Variants in RBFOX1 observed in about 807,000 individuals in gnomAD.
RBFOX1 encodes the protein RNA binding protein fox-1 homolog 1.
A neutral mutation model predicts 57.7 loss-of-function variants in RBFOX1; 8 were observed. That is an observed-to-expected ratio of 0.14 (90% confidence interval 0.08 to 0.25). The LOEUF (loss-of-function observed/expected upper bound fraction) is 0.25, where lower values mean the gene tolerates loss of function less well. RBFOX1 is among the 10% of genes least tolerant of loss of function. The pLI is 1.00. For missense variants in RBFOX1, 611 were observed against 548.5 expected (o/e 1.11, Z -1.14); for synonymous variants, 326 against 222.4 (o/e 1.47, Z -4.15).
intron 4 of RBFOX1, chr16:7,328,625 G>T (rs2096644575): frequency 6.7e-6 from 1 of 149,964 alleles, no homozygotes; most frequent in Admixed American, 6.7e-5. Flanking sequence ...ATAGATGGAA[G>T]AATTTTTTTT....
chr16:6,845,379 G>A (rs2093700662), intron 3 of RBFOX1, among the ~76,000 whole-genome samples: 1 of 151,820 alleles, frequency 6.6e-6, no homozygotes, highest in African/African-American at 2.4e-5. Context: ...AAGAGGTCCA[G>A]TTTCAATTTT....
At chr16:7,534,860 G>C (rs934526957) in intron 5 of RBFOX1, among the ~76,000 whole-genome samples, 14 of 152,146 alleles carry the variant, frequency 9.2e-5, no homozygotes, top group African/African-American at 3.1e-4. Context: ...ATGTGTGTGT[G>C]TGGCTTTAGG....
intron 3 of RBFOX1, among the ~76,000 whole-genome samples, chr16:7,032,515 T>C (rs1278222522): frequency 6.6e-6 from 1 of 152,094 alleles, no homozygotes; most frequent in African/African-American, 2.4e-5. Flanking sequence ...ATAAAACCTA[T>C]GGTCATGAGC....
At chr16:7,239,520 T>G (rs975762526) in intron 4 of RBFOX1, among the ~76,000 whole-genome samples, 1 of 152,016 alleles carries the variant, frequency 6.6e-6, no homozygotes, top group Non-Finnish European at 1.5e-5. Context: ...TAAATAAAAA[T>G]TGGAATCGGC....
intron 2 of RBFOX1, among the ~76,000 whole-genome samples, chr16:6,624,998 C>G (rs1010236947): frequency 6.6e-6 from 1 of 151,708 alleles, no homozygotes; most frequent in African/African-American, 2.4e-5. Flanking sequence ...AACCCCATCT[C>G]TACTAAAAAT....
chr16:6,928,876 C>G (rs946089688), intron 3 of RBFOX1, among the ~76,000 whole-genome samples: 1 of 152,144 alleles, frequency 6.6e-6, no homozygotes, highest in African/African-American at 2.4e-5. Flanking sequence ...ATCATCACCA[C>G]AGAAACTTAG....
chr16:6,063,468 C>CAA (rs1489449348), intron 1 of RBFOX1, among the ~76,000 whole-genome samples: 3 of 39,378 alleles, frequency 7.6e-5, no homozygotes, highest in Non-Finnish European at 2.4e-4. Context: ...TTCTCCGACA[C>CAA]ACACACACAC....
At chr16:7,625,413 C>A (rs1185765290) in intron 10 of RBFOX1, among the ~76,000 whole-genome samples, 1 of 152,170 alleles carries the variant, frequency 6.6e-6, no homozygotes, top group Non-Finnish European at 1.5e-5. Flanking sequence ...TTTACCCTTA[C>A]TATCTGCCTA....
chr16:6,696,072 CTG>C (rs368196801), intron 3 of RBFOX1, among the ~76,000 whole-genome samples: 18 of 152,268 alleles, frequency 1.2e-4, no homozygotes, highest in Admixed American at 3.9e-4. Flanking sequence ...ATCTAGAAAA[CTG>C]TGAAAATTGA....
At chr16:7,354,718 A>G (rs985011421) in intron 4 of RBFOX1, among the ~76,000 whole-genome samples, 1 of 152,206 alleles carries the variant, frequency 6.6e-6, no homozygotes, top group Non-Finnish European at 1.5e-5. Context: ...TATGACGGCC[A>G]CTAGTCACGT....
intron 3 of RBFOX1, among the ~76,000 whole-genome samples, chr16:6,808,129 CTATA>C (rs150143418): frequency 0.019 from 2,604 of 137,636 alleles, 78 homozygotes; most frequent in African/African-American, 0.069. Context: ...ATGCATAGAA[CTATA>C]TATAATATGC....
intron 1 of RBFOX1, among the ~76,000 whole-genome samples, chr16:5,382,188 A>T (rs1281824774): frequency 6.6e-6 from 1 of 152,214 alleles, no homozygotes; most frequent in African/African-American, 2.4e-5. Flanking sequence ...TCTAAGAGTT[A>T]ACTGAGGCTT....
intron 3 of RBFOX1, among the ~76,000 whole-genome samples, chr16:6,964,109 C>T (rs2083583628): frequency 6.6e-6 from 1 of 152,120 alleles, no homozygotes; most frequent in Non-Finnish European, 1.5e-5. Flanking sequence ...ACCTCCGCCT[C>T]CCGAATCAAG....
intron 4 of RBFOX1, among the ~76,000 whole-genome samples, chr16:7,504,088 G>A (rs1318383632): frequency 6.6e-6 from 1 of 152,090 alleles, no homozygotes; most frequent in South Asian, 2.1e-4. Context: ...TAACAATAAT[G>A]GCAGTCATAG....
intron 3 of RBFOX1, among the ~76,000 whole-genome samples, chr16:6,750,405 G>A (rs1258152056): frequency 6.6e-6 from 1 of 152,194 alleles, no homozygotes; most frequent in Non-Finnish European, 1.5e-5. Flanking sequence ...AGCAGCAGAA[G>A]CTGAAACCAG....
intron 2 of RBFOX1, among the ~76,000 whole-genome samples, chr16:6,320,865 C>A (rs934720422): frequency 1.3e-5 from 2 of 152,206 alleles, no homozygotes; most frequent in Non-Finnish European, 2.9e-5. Context: ...ACGATCTCAG[C>A]TCACTACAGC....
At chr16:6,341,030 G>A (rs988114580) in intron 2 of RBFOX1, among the ~76,000 whole-genome samples, 2 of 152,108 alleles carry the variant, frequency 1.3e-5, no homozygotes, top group Non-Finnish European at 2.9e-5. Context: ...CTGTCTCTAG[G>A]GTCTTGTAGG....
intron 2 of RBFOX1, among the ~76,000 whole-genome samples, chr16:6,494,155 C>T (rs936862450): frequency 8.5e-5 from 13 of 152,230 alleles, no homozygotes; most frequent in Admixed American, 5.9e-4. Flanking sequence ...AATATTTTAC[C>T]AAACTGTAGT....
chr16:6,514,098 C>G (rs1000818785), intron 2 of RBFOX1, among the ~76,000 whole-genome samples: 2 of 152,176 alleles, frequency 1.3e-5, no homozygotes, highest in South Asian at 2.1e-4. Flanking sequence ...ATGAGCTTCC[C>G]TGTCATTAGG....
Sources: allele counts gnomAD v4.1 joint callset (sites outside exome capture counted in the v4.1 genomes callset), GRCh38; gene constraint gnomAD v4.1.1; transcripts MANE v1.5; gene names NCBI Gene and HGNC (gene_info 2026-07-23, HGNC 2026-07-21).